The following SLC41A2 variants were observed in gnomAD, a reference collection of about 807,000 sequenced individuals.
The protein encoded by SLC41A2 is SLC41A1-like 1.
Under a neutral mutation model 58.3 loss-of-function variants are expected in SLC41A2, and 32 were observed. The observed-to-expected ratio is 0.55, with a 90% CI of 0.41 to 0.74. SLC41A2 has a LOEUF of 0.74. Among genes scored for constraint, SLC41A2 ranks in the 30% least tolerant of loss-of-function variants. The pLI is 0.00. For synonymous variants in SLC41A2, 190 were observed against 235.0 expected (o/e 0.81, Z 1.75); for missense variants, 514 against 680.6 (o/e 0.76, Z 2.72).
chr12:104,890,292 T>C (rs562729303), intron 4 of SLC41A2, among the ~76,000 whole-genome samples: 2 of 152,318 alleles, frequency 1.3e-5, no homozygotes, highest in South Asian at 4.1e-4. Flanking sequence ...ACAGCTTCTG[T>C]GGATGTCATC....
chr12:104,930,046 G>A (rs2046993576), intron 1 of SLC41A2, among the ~76,000 whole-genome samples: 2 of 152,182 alleles, frequency 1.3e-5, no homozygotes, highest in South Asian at 2.1e-4. Flanking sequence ...TTACAGAGGG[G>A]TCTGGGATCT....
chr12:104,845,858 T>A lies in SLC41A2; in HGVS notation c.1372A>T (p.Thr458Ser). The A allele has an allele frequency of 6.2e-7, 1 of 1,612,830 alleles. No homozygotes were observed. The highest frequency in any genetic ancestry group is 8.5e-7 in the Non-Finnish European group (1 of 1,179,296). Residue 458 changes from threonine (T) to serine (S), a missense_variant, in exon 9 of 11, where the codon ACT (threonine) becomes TCT (serine). Coordinates refer to ENST00000258538, the MANE Select transcript of SLC41A2 (RefSeq NM_001352171.3). ...AAGCACATACCTGGACCAAAGAAAG[T>A]TCTAAATGGGTAGTAACAACCTTTG... ...EPKGCYYPFR[T>S]FFGPGVNNKS...
chr12:104,885,536 T>C (rs1472247344), intron 6 of SLC41A2, among the ~76,000 whole-genome samples: 1 of 152,214 alleles, frequency 6.6e-6, no homozygotes, highest in Non-Finnish European at 1.5e-5. Context: ...TTGGCTTATA[T>C]ACTCATGTTT....
intron 1 of SLC41A2, chr12:104,931,686 T>G (rs1248825420): frequency 6.6e-6 from 1 of 152,194 alleles, no homozygotes; most frequent in Non-Finnish European, 1.5e-5. Context: ...TGGAATGACT[T>G]AATTCTGAAA....
At chr12:104,940,224 C>T (rs901972683) in intron 1 of SLC41A2, among the ~76,000 whole-genome samples, 2 of 151,986 alleles carry the variant, frequency 1.3e-5, no homozygotes, top group African/African-American at 4.8e-5. Flanking sequence ...GTGGGTCAGG[C>T]TGGTCTTGAA....
chr12:104,945,127 A>G lies in SLC41A2; in HGVS notation c.-168+12961T>C, dbSNP rs919667817. Among the ~76,000 whole-genome samples, 7 of 151,906 alleles carry G rather than the reference A, an allele frequency of 4.6e-5. 1 individual carries two copies. The highest frequency in any genetic ancestry group is 1.3e-4 in the Admixed American group (2 of 15,250). On this transcript the variant is annotated intron_variant, in intron 1 of 10. Transcript: ENST00000258538. The stretch of plus-strand genomic sequence containing the variant: ...CAAGGTTGCAGTGAGCCGAGATCAC[A>G]CCACTGCACTCCAGCCTGGGCAACA...
At chr12:104,912,213 T>G (rs2135791256) in intron 2 of SLC41A2, among the ~76,000 whole-genome samples, 1 of 152,336 alleles carries the variant, frequency 6.6e-6, no homozygotes, top group South Asian at 2.1e-4. Flanking sequence ...GGCATACATC[T>G]AAAATCGTTA....
At chr12:104,860,256 G>C (rs2043158707) in intron 8 of SLC41A2, among the ~76,000 whole-genome samples, 1 of 151,960 alleles carries the variant, frequency 6.6e-6, no homozygotes, top group Non-Finnish European at 1.5e-5. Flanking sequence ...AGGGGAGGGA[G>C]AGCATTAGGA....
chr12:104,875,712 G>C (rs1453704693), intron 6 of SLC41A2, among the ~76,000 whole-genome samples: 1 of 152,188 alleles, frequency 6.6e-6, no homozygotes, highest in Admixed American at 6.5e-5. Context: ...AGGACTGCTT[G>C]AGCCAAGGAG....
At chr12:104,810,679 A>G (rs752167828) in intron 10 of SLC41A2, among the ~76,000 whole-genome samples, 22 of 152,186 alleles carry the variant, frequency 1.4e-4, no homozygotes, top group Admixed American at 3.9e-4. Flanking sequence ...CATTCTCAGG[A>G]AGTAGGTAGG....
chr12:104,811,673 C>T (rs184726328), intron 10 of SLC41A2, among the ~76,000 whole-genome samples: 1 of 152,248 alleles, frequency 6.6e-6, no homozygotes, highest in Admixed American at 6.5e-5. Flanking sequence ...TTTCCTATTA[C>T]TTCCTGTATG....
intron 4 of SLC41A2, among the ~76,000 whole-genome samples, chr12:104,889,896 A>C (rs2044863186): frequency 6.6e-6 from 1 of 152,272 alleles, no homozygotes; most frequent in Admixed American, 6.5e-5. Flanking sequence ...GCTGACACAA[A>C]GCAAGAATAA....
In SLC41A2 at chr12:104,844,496, C is replaced by T. The variant is rs771781950; in HGVS notation, c.1512G>A (p.Val504=). 3 of 1,511,086 alleles carry T rather than the reference C, an allele frequency of 2.0e-6. No individual in the cohort carries two copies. The highest frequency in any genetic ancestry group is 1.8e-6 in the Non-Finnish European group (2 of 1,133,266). 93.6% of individuals were successfully genotyped at this position (1,511,086 alleles called of 1,614,324 possible). Residue 504 remains valine (V), a synonymous_variant, in exon 10 of 11, where the codon GTG becomes GTA. Coordinates refer to ENST00000258538, the MANE Select transcript of SLC41A2 (RefSeq NM_001352171.3). ...CCTGTAACACAGCGCCAAATAAATACACTACTATGAAGATTATAGTTAAAG... is the reference window on the plus strand; with the variant it reads ...CCTGTAACACAGCGCCAAATAAATATACTACTATGAAGATTATAGTTAAAG... The part of the protein sequence containing the change: ...HTSLTIIFIV[V]YLFGAVLQVF...
intron 6 of SLC41A2, among the ~76,000 whole-genome samples, chr12:104,884,965 T>C (rs2044583220): frequency 2.0e-5 from 3 of 152,226 alleles, no homozygotes; most frequent in Admixed American, 6.5e-5. Flanking sequence ...GTATTATCAA[T>C]TTATCATCCA....
At chr12:104,950,439 G>A (rs995553781) in intron 1 of SLC41A2, among the ~76,000 whole-genome samples, 2 of 152,110 alleles carry the variant, frequency 1.3e-5, no homozygotes, top group Admixed American at 1.3e-4. Flanking sequence ...TTCGCCTTCC[G>A]CCATGACTGT....
At chr12:104,818,738 G>A (rs928525634) in intron 10 of SLC41A2, among the ~76,000 whole-genome samples, 3 of 152,074 alleles carry the variant, frequency 2.0e-5, no homozygotes, top group African/African-American at 7.2e-5. Flanking sequence ...TTAGCTGGGC[G>A]TGGTGGCAAG....
At chr12:104,891,397 A>AT (rs2135679964) in intron 4 of SLC41A2, among the ~76,000 whole-genome samples, 1 of 152,048 alleles carries the variant, frequency 6.6e-6, no homozygotes, top group South Asian at 2.1e-4. Context: ...TATTAGGATA[A>AT]TTTGACAAAT....
At chr12:104,943,952 C>T (rs777049460) in intron 1 of SLC41A2, among the ~76,000 whole-genome samples, 56 of 152,128 alleles carry the variant, frequency 3.7e-4, no homozygotes, top group Non-Finnish European at 1.9e-4. Context: ...GGGATATAAA[C>T]CCAGGCATTC....
intron 6 of SLC41A2, among the ~76,000 whole-genome samples, chr12:104,873,339 T>G (rs2043880059): frequency 6.6e-6 from 1 of 152,248 alleles, no homozygotes; most frequent in African/African-American, 2.4e-5. Context: ...CCAGGTTCAT[T>G]CATGTTGTTG....
Sources: allele counts gnomAD v4.1 joint callset (sites outside exome capture counted in the v4.1 genomes callset), GRCh38; gene constraint gnomAD v4.1.1; transcripts MANE v1.5; gene names NCBI Gene and HGNC (gene_info 2026-07-23, HGNC 2026-07-21).